The following EFCAB6 variants were observed in gnomAD, a reference collection of about 807,000 sequenced individuals.
EFCAB6 encodes the protein EF-hand calcium-binding domain-containing protein 6.
In EFCAB6, 156 loss-of-function variants were observed where a neutral mutation model predicts 169.8. The ratio of observed to expected loss-of-function variants is 0.92; its 90% CI spans 0.81 to 1.05. The LOEUF is 1.05. Ranked by LOEUF, EFCAB6 falls within the 50% of genes least tolerant of loss-of-function variation. EFCAB6 has a pLI of 0.00. For synonymous variants in EFCAB6, 698 were observed against 676.4 expected (o/e 1.03, Z -0.50); for missense variants, 1,800 against 1,829.1 (o/e 0.98, Z 0.29).
At chr22:43,567,369 C>A (rs1470650667) in intron 26 of EFCAB6, among the ~76,000 whole-genome samples, 1 of 152,192 alleles carries the variant, frequency 6.6e-6, no homozygotes, top group Non-Finnish European at 1.5e-5. Flanking sequence ...TTTATAAAAA[C>A]TATTAAAATA....
chr22:43,787,070 A>C (rs1347841414), intron 2 of EFCAB6, among the ~76,000 whole-genome samples: 1 of 152,202 alleles, frequency 6.6e-6, no homozygotes, highest in Non-Finnish European at 1.5e-5. Context: ...TCCTTGACTT[A>C]ATAAAGGACA....
chr22:43,671,287 C>T (rs929060361), intron 15 of EFCAB6, among the ~76,000 whole-genome samples: 6 of 152,190 alleles, frequency 3.9e-5, no homozygotes, highest in African/African-American at 1.2e-4. Context: ...CTGCAACCTC[C>T]GCCTCCCGGG....
chr22:43,580,963 G>A (rs530805263), intron 24 of EFCAB6, among the ~76,000 whole-genome samples: 209 of 152,322 alleles, frequency 1.4e-3, no homozygotes, highest in African/African-American at 4.7e-3. Flanking sequence ...TCGTGGCTTT[G>A]CAGAAGATGG....
intron 3 of EFCAB6, 34 bp downstream of exon 3, chr22:43,782,144 TAC>T: frequency 6.3e-7 from 1 of 1,593,614 alleles, no homozygotes; most frequent in Non-Finnish European, 8.6e-7. Context: ...AAGTGATATC[TAC>T]AGTTAGTGTT....
intron 1 of EFCAB6, among the ~76,000 whole-genome samples, chr22:43,809,857 C>T (rs557892516): frequency 9.9e-5 from 15 of 151,502 alleles, no homozygotes; most frequent in Non-Finnish European, 1.3e-4. Flanking sequence ...CCAACCGCCT[C>T]GGCCTCCCAA....
intron 22 of EFCAB6, 142 bp from the exon 23 acceptor site, chr22:43,600,405 C>T (rs182331005): frequency 3.3e-5 from 27 of 828,070 alleles, no homozygotes; most frequent in East Asian, 5.1e-5. Context: ...TGTGGGCCAG[C>T]GGAATCAGCC....
At chr22:43,759,261 A>T (rs1009076075) in intron 5 of EFCAB6, 1 of 152,234 alleles carries the variant, frequency 6.6e-6, no homozygotes, top group Non-Finnish European at 1.5e-5. Flanking sequence ...AGAATCTTGC[A>T]ATACACAGTA....
rs368281205 is a variant in EFCAB6 at position 43,687,506 on chromosome 22, T to C, written c.1107A>G (p.Gln369=). The C allele has an allele frequency of 7.8e-4, 1,243 of 1,593,152 alleles. 19 individuals are homozygous for C. The South Asian group carries it at 0.014, about 18-fold the overall frequency. The part of the protein sequence containing the change: ...LTSFHEPQGL[Q]VSSKGPLTKR... ...TTGTCAGGGGACCTTTACTGCTAAC[T>C]TGCAACCCCTGAGGCTCATGAAATG... The change falls in exon 11 of 32, where the codon CAA becomes CAG. Residue 369 remains glutamine (Q), a synonymous_variant. Transcript: ENST00000262726.
At chr22:43,551,513 C>T (rs2048376075) in intron 27 of EFCAB6, among the ~76,000 whole-genome samples, 1 of 152,034 alleles carries the variant, frequency 6.6e-6, no homozygotes, top group Admixed American at 6.6e-5. Context: ...AAATTTTTTT[C>T]CTTCAACAAC....
intron 12 of EFCAB6, among the ~76,000 whole-genome samples, chr22:43,682,910 G>C (rs1162549882): frequency 6.6e-6 from 1 of 152,206 alleles, no homozygotes; most frequent in African/African-American, 2.4e-5. Flanking sequence ...TAGCATTCTA[G>C]TGCGGCAGAG....
intron 23 of EFCAB6, among the ~76,000 whole-genome samples, chr22:43,599,076 C>T (rs1041013010): frequency 6.6e-6 from 1 of 152,228 alleles, no homozygotes; most frequent in African/African-American, 2.4e-5. Flanking sequence ...ACTCATGGTA[C>T]ACATACTGCC....
intron 8 of EFCAB6, among the ~76,000 whole-genome samples, chr22:43,729,663 G>A (rs2059865127): frequency 6.6e-6 from 1 of 152,128 alleles, no homozygotes; most frequent in African/African-American, 2.4e-5. Flanking sequence ...TTACTTTACA[G>A]AATCTCTCTA....
chr22:43,743,735 C>T (rs1266902862), intron 6 of EFCAB6, among the ~76,000 whole-genome samples: 1 of 152,218 alleles, frequency 6.6e-6, no homozygotes, highest in Non-Finnish European at 1.5e-5. Flanking sequence ...CCAGTCCCTC[C>T]TTCACCCCTC....
At chr22:43,756,225 G>A (rs1241155029) in intron 5 of EFCAB6, among the ~76,000 whole-genome samples, 2 of 152,170 alleles carry the variant, frequency 1.3e-5, no homozygotes, top group Non-Finnish European at 2.9e-5. Flanking sequence ...CTTAATAGAT[G>A]AGGAAAATGA....
intron 12 of EFCAB6, among the ~76,000 whole-genome samples, chr22:43,681,572 G>A (rs2147093228): frequency 6.6e-6 from 1 of 152,158 alleles, no homozygotes; most frequent in East Asian, 1.9e-4. Flanking sequence ...TGGAGAATTT[G>A]CATGTTTTTG....
chr22:43,573,232 C>T (rs1408180370), intron 26 of EFCAB6, among the ~76,000 whole-genome samples: 1 of 152,146 alleles, frequency 6.6e-6, no homozygotes, highest in Non-Finnish European at 1.5e-5. Context: ...GGGAGCAGGA[C>T]TGGAGGTTAA....
At chr22:43,673,319 TA>T (rs2057574872) in intron 13 of EFCAB6, among the ~76,000 whole-genome samples, 1 of 152,170 alleles carries the variant, frequency 6.6e-6, no homozygotes, top group Admixed American at 6.5e-5. Flanking sequence ...GAATAAAACA[TA>T]TTCTTTGACC....
chr22:43,782,437 A>T, intron 2 of EFCAB6, 112 bp from the exon 3 acceptor site: 1 of 881,332 alleles, frequency 1.1e-6, no homozygotes, highest in Non-Finnish European at 1.7e-6. Context: ...TGTAAAAATG[A>T]TGCTAGTCAT....
chr22:43,738,243 C>A (rs1453434867), intron 6 of EFCAB6, among the ~76,000 whole-genome samples: 2 of 151,666 alleles, frequency 1.3e-5, no homozygotes, highest in Non-Finnish European at 2.9e-5. Flanking sequence ...CACCATCACA[C>A]ACACATATAT....
Sources: gnomAD v4.1 joint callset for allele counts (sites outside exome capture counted in the v4.1 genomes callset) on GRCh38, gnomAD v4.1.1 for gene constraint, MANE v1.5 for transcripts, NCBI Gene and HGNC (gene_info 2026-07-23, HGNC 2026-07-21) for gene names.